The following ZNF236 variants were observed in gnomAD, a reference collection of about 807,000 sequenced individuals.
ZNF236 encodes the protein zinc finger protein 236.
Under a neutral mutation model 191.2 loss-of-function variants are expected in ZNF236, and 50 were observed. That is an observed-to-expected ratio of 0.26 (90% CI 0.21 to 0.33). The LOEUF is 0.33. ZNF236 is among the 10% of genes least tolerant of loss of function. The probability of loss-of-function intolerance (pLI) is 1.00; values close to 1 mark genes in which losing one functional copy is unlikely to be tolerated. For missense variants in ZNF236, 1,754 were observed against 2,374.5 expected (o/e 0.74, Z 5.43); for synonymous variants, 907 against 928.8 (o/e 0.98, Z 0.43).
intron 20 of ZNF236, 81 bp from the exon 21 acceptor site, chr18:76,922,990 C>T (rs1172627809): frequency 6.6e-5 from 72 of 1,085,206 alleles, no homozygotes; most frequent in Non-Finnish European, 9.6e-6. Flanking sequence ...GTAGTAACAC[C>T]TAATTTTAAT....
intron 3 of ZNF236, among the ~76,000 whole-genome samples, chr18:76,857,049 C>T (rs766138627): frequency 9.5e-4 from 144 of 151,794 alleles, no homozygotes; most frequent in Non-Finnish European, 1.6e-3. Flanking sequence ...CTGCCTCCCC[C>T]TAGTTCCCAC....
intron 27 of ZNF236, among the ~76,000 whole-genome samples, chr18:76,955,056 T>G (rs9959885): frequency 0.043 from 6,586 of 152,276 alleles, 454 homozygotes; most frequent in African/African-American, 0.15. Flanking sequence ...TAATTTTCAT[T>G]ATAATTGTTT....
At chr18:76,965,547 C>G (rs540717589) in intron 30 of ZNF236, among the ~76,000 whole-genome samples, 1 of 152,346 alleles carries the variant, frequency 6.6e-6, no homozygotes, top group East Asian at 1.9e-4. Context: ...GGGCCGAAGG[C>G]TGTTGTTCAG....
chr18:76,833,546 A>C lies in ZNF236; in HGVS notation c.55+10884A>C, dbSNP rs909148615. ...AACTTGTATCCCTGGGATACAGGCA[A>C]ACTTGTTGCGATATTATTCTTTTTT... On this transcript the variant is annotated intron_variant, in intron 1 of 30. Coordinates refer to ENST00000320610, the MANE Select transcript of ZNF236 (RefSeq NM_001306089.2). Among the ~76,000 whole-genome samples the C allele has an allele frequency of 2.6e-5, 4 of 152,120 alleles. No individual in the cohort carries two copies. In the South Asian group the frequency reaches 8.3e-4, roughly 31 times the overall value.
intron 26 of ZNF236, among the ~76,000 whole-genome samples, chr18:76,947,175 A>C (rs996912872): frequency 1.3e-5 from 2 of 152,176 alleles, no homozygotes; most frequent in African/African-American, 4.8e-5. Flanking sequence ...CATTCCTTAG[A>C]GTATTTCCAA....
At chr18:76,864,452 G>A (rs977764460) in intron 3 of ZNF236, among the ~76,000 whole-genome samples, 3 of 151,840 alleles carry the variant, frequency 2.0e-5, no homozygotes, top group Non-Finnish European at 4.4e-5. Flanking sequence ...TGCCCGCCTC[G>A]GCCTCCCAAA....
At chr18:76,916,933 A>G (rs1326118977) in intron 19 of ZNF236, among the ~76,000 whole-genome samples, 1 of 152,100 alleles carries the variant, frequency 6.6e-6, no homozygotes, top group Non-Finnish European at 1.5e-5. Flanking sequence ...CTGCTTTGCC[A>G]CCATCTGACC....
intron 1 of ZNF236, among the ~76,000 whole-genome samples, chr18:76,847,209 G>T (rs1192796618): frequency 6.6e-6 from 1 of 152,120 alleles, no homozygotes; most frequent in Non-Finnish European, 1.5e-5. Context: ...CAACATAGAG[G>T]CTGTGAAAAT....
At position 76,970,618 on chromosome 18, in the gene ZNF236, G is replaced by A. The variant is rs575969186; in HGVS notation, c.*2279G>A. On this transcript the variant is annotated 3_prime_UTR_variant, in exon 31 of 31. Transcript: ENST00000320610. Reference sequence around the variant, plus strand: ...AAAAATTCTAGAAAAGAGATTTCTAGGCCTCATGTATAACCAGGGTTTTGA... The same window carrying A: ...AAAAATTCTAGAAAAGAGATTTCTAAGCCTCATGTATAACCAGGGTTTTGA... 6.6e-6 allele frequency: 1 copy of A among 152,660 alleles called. No homozygotes were observed. Among genetic ancestry groups the A allele is most frequent in the African/African-American group, 2.4e-5 (1 of 41,568 alleles). 9.5% of individuals were successfully genotyped at this position (152,660 alleles called of 1,614,324 possible). A position where few individuals can be genotyped will look rare whatever the true frequency, so the allele number is the denominator to read the frequency against.
chr18:76,915,149 A>G lies in ZNF236; in HGVS notation c.3062-498A>G, dbSNP rs143297941. On this transcript the variant is annotated intron_variant, in intron 18 of 30. Coordinates refer to ENST00000320610, the MANE Select transcript of ZNF236 (RefSeq NM_001306089.2). ...TTACTTGGTTCTGTGTCATCGGTCC[A>G]GAGGAGAGAGGGCCTTCTGTATGGG... Among the ~76,000 whole-genome samples the G allele has an allele frequency of 3.3e-5, 5 of 152,354 alleles. No homozygotes were observed. The East Asian group carries it at 9.6e-4, about 29-fold the overall frequency.
At chr18:76,914,197 C>T (rs1367359331) in intron 18 of ZNF236, among the ~76,000 whole-genome samples, 1 of 152,144 alleles carries the variant, frequency 6.6e-6, no homozygotes, top group Non-Finnish European at 1.5e-5. Context: ...TATAGAAGTA[C>T]GTGGCATTTT....
chr18:76,844,299 A>C (rs772715851), intron 1 of ZNF236, among the ~76,000 whole-genome samples: 1 of 151,582 alleles, frequency 6.6e-6, no homozygotes, highest in Non-Finnish European at 1.5e-5. Context: ...AAGCGGTAGC[A>C]ATTTGGAGTG....
At chr18:76,859,807 C>A (rs182982289) in intron 3 of ZNF236, among the ~76,000 whole-genome samples, 19 of 152,244 alleles carry the variant, frequency 1.2e-4, no homozygotes, top group African/African-American at 4.6e-4. Flanking sequence ...GGGCTGAGGC[C>A]TTAGAGCCCA....
At chr18:76,920,279 G>T (rs1967497585) in intron 20 of ZNF236, among the ~76,000 whole-genome samples, 1 of 152,146 alleles carries the variant, frequency 6.6e-6, no homozygotes, top group Admixed American at 6.5e-5. Flanking sequence ...GGCTGTGCAT[G>T]GTGGCTCACA....
intron 26 of ZNF236, among the ~76,000 whole-genome samples, chr18:76,942,666 C>T (rs1599415074): frequency 6.6e-6 from 1 of 151,210 alleles, no homozygotes; most frequent in East Asian, 2.0e-4. Context: ...CGCCCGCCAC[C>T]ATGCCCGGCT....
At chr18:76,883,305 A>T (rs1175629597) in intron 9 of ZNF236, among the ~76,000 whole-genome samples, 4 of 150,376 alleles carry the variant, frequency 2.7e-5, no homozygotes, top group Non-Finnish European at 5.9e-5. Flanking sequence ...AAGTGCATGC[A>T]GTTCTAATAA....
At chr18:76,889,546 T>A (rs1977165935) in intron 9 of ZNF236, among the ~76,000 whole-genome samples, 1 of 152,234 alleles carries the variant, frequency 6.6e-6, no homozygotes, top group African/African-American at 2.4e-5. Flanking sequence ...ACTGGCCATC[T>A]GGTCCTGGGC....
At chr18:76,891,607 G>T (rs1371693772) in intron 9 of ZNF236, among the ~76,000 whole-genome samples, 1 of 152,054 alleles carries the variant, frequency 6.6e-6, no homozygotes, top group Non-Finnish European at 1.5e-5. Context: ...TGAACTCCTG[G>T]CCTGGAGCAA....
At chr18:76,903,451 T>C (rs2122736621) in intron 11 of ZNF236, among the ~76,000 whole-genome samples, 1 of 152,284 alleles carries the variant, frequency 6.6e-6, no homozygotes, top group East Asian at 1.9e-4. Context: ...TGTATTTTTA[T>C]GGAAAGTCCG....
Sources: allele counts gnomAD v4.1 joint callset (sites outside exome capture counted in the v4.1 genomes callset), GRCh38; gene constraint gnomAD v4.1.1; transcripts MANE v1.5; gene names NCBI Gene and HGNC (gene_info 2026-07-23, HGNC 2026-07-21).